The following FNBP1 variants were observed in gnomAD, a reference collection of about 807,000 sequenced individuals.
The protein encoded by FNBP1 is formin-binding protein 1.
A neutral mutation model predicts 90.6 loss-of-function variants in FNBP1; 26 were observed. The ratio of observed to expected loss-of-function variants is 0.29; its 90% CI spans 0.21 to 0.40. The LOEUF (loss-of-function observed/expected upper bound fraction) is 0.40, where lower values mean the gene tolerates loss of function less well. Among genes scored for constraint, FNBP1 ranks in the 10% least tolerant of loss-of-function variants. FNBP1 has a pLI of 1.00. For missense variants in FNBP1, 635 were observed against 768.0 expected (o/e 0.83, Z 2.05); for synonymous variants, 260 against 265.2 (o/e 0.98, Z 0.19).
At position 129,895,941 on chromosome 9, in the gene FNBP1, C is replaced by T; in HGVS notation, c.1743G>A (p.Glu581=). Residue 581 remains glutamate, a synonymous_variant, in exon 16 of 17, where the codon GAG becomes GAA. Transcript: ENST00000446176. ...GGGTCCAGCCATCGCCTTTGTCTTCCTCTATGACATACAATGTTTCTCCTT... is the reference window on the plus strand; with the variant it reads ...GGGTCCAGCCATCGCCTTTGTCTTCTTCTATGACATACAATGTTTCTCCTT... ...VVEGETLYVI[E]EDKGDGWTRI... 1 of 1,613,516 alleles carries T rather than the reference C, an allele frequency of 6.2e-7. No individual in the cohort carries two copies. The highest frequency in any genetic ancestry group is 8.5e-7 in the Non-Finnish European group (1 of 1,179,744).
upstream of FNBP1, among the ~76,000 whole-genome samples, chr9:130,047,612 C>T (rs1039118002): frequency 1.3e-5 from 2 of 149,988 alleles, no homozygotes; most frequent in South Asian, 2.1e-4. Flanking sequence ...GACTCCATCT[C>T]GAAAACAAAA....
intron 11 of FNBP1, 165 bp from the exon 12 acceptor site, chr9:129,909,164 G>A (rs1396061714): frequency 1.5e-5 from 10 of 660,804 alleles, no homozygotes; most frequent in African/African-American, 3.6e-5. Flanking sequence ...AAAAATCAAT[G>A]CATGCAAACT....
At chr9:129,948,245 C>A (rs566485438) in intron 6 of FNBP1, among the ~76,000 whole-genome samples, 10 of 152,034 alleles carry the variant, frequency 6.6e-5, no homozygotes, top group African/African-American at 2.4e-4. Flanking sequence ...TGCACTCCAG[C>A]CTGAGCAACA....
chr9:130,000,008 A>T (rs1355548792), intron 1 of FNBP1, among the ~76,000 whole-genome samples: 2 of 152,232 alleles, frequency 1.3e-5, no homozygotes, highest in Non-Finnish European at 2.9e-5. Flanking sequence ...CAGTGCAGAC[A>T]TTCTCCTTTG....
At chr9:129,901,187 C>T (rs988856152) in intron 13 of FNBP1, among the ~76,000 whole-genome samples, 1 of 151,926 alleles carries the variant, frequency 6.6e-6, no homozygotes. Flanking sequence ...GGGTGAATCA[C>T]TTCAGGTTGG....
At chr9:129,978,639 G>T (rs748410399) in intron 3 of FNBP1, 27 bp from the exon 4 acceptor site, 5 of 1,603,352 alleles carry the variant, frequency 3.1e-6, no homozygotes, top group Non-Finnish European at 4.3e-6. Context: ...ACGCCACTCT[G>T]TTTCACACAA....
At position 129,888,251 on chromosome 9, in the gene FNBP1, G is replaced by A. The variant is rs1480582843; in HGVS notation, c.*2288C>T. On this transcript the variant is annotated 3_prime_UTR_variant, in exon 17 of 17. Transcript: ENST00000446176. ...TCCTGACCCATAATATGAAAGATGTGACGCACATGCATTCCCGAGGCTCTA... is the reference window on the plus strand; with the variant it reads ...TCCTGACCCATAATATGAAAGATGTAACGCACATGCATTCCCGAGGCTCTA... 3.0e-5 allele frequency: 7 copies of A among 232,322 alleles called. No individual in the cohort carries two copies. The highest frequency in any genetic ancestry group is 5.1e-5 in the Non-Finnish European group (6 of 117,588). The allele number at this position is 232,322 out of a possible 1,614,324, so 14.4% of individuals were successfully genotyped here.
At chr9:129,938,694 G>T (rs2043871616) in intron 6 of FNBP1, among the ~76,000 whole-genome samples, 1 of 152,134 alleles carries the variant, frequency 6.6e-6, no homozygotes, top group Non-Finnish European at 1.5e-5. Flanking sequence ...ACAGTTTTAA[G>T]AAAAGGTCTT....
intron 2 of FNBP1, among the ~76,000 whole-genome samples, chr9:129,991,876 G>A (rs2053220399): frequency 6.6e-6 from 1 of 151,764 alleles, no homozygotes; most frequent in Admixed American, 6.6e-5. Flanking sequence ...AGCCAGGATG[G>A]TCTCGATCTC....
Position 130,041,176 on chromosome 9 carries a change from T to C in FNBP1, c.24+1776A>G, listed in dbSNP as rs577786245. Among the ~76,000 whole-genome samples the C allele has an allele frequency of 3.3e-5, 5 of 152,178 alleles. No individual in the cohort carries two copies. The East Asian group carries it at 9.6e-4, about 29-fold the overall frequency. On this transcript the variant is annotated intron_variant, in intron 1 of 16. Coordinates refer to ENST00000446176, the MANE Select transcript of FNBP1 (RefSeq NM_015033.3). The surrounding 1 kb of genome is among the most constrained non-coding windows in gnomAD (Gnocchi z 4.3). ...TCAATCACTCCTAACCCTGCCTTCCTTCCCACTTCTGCACCCTCAAAAAGA... is the reference window on the plus strand; with the variant it reads ...TCAATCACTCCTAACCCTGCCTTCCCTCCCACTTCTGCACCCTCAAAAAGA...
At chr9:130,038,765 C>T (rs1203797088) in intron 1 of FNBP1, among the ~76,000 whole-genome samples, 2 of 152,180 alleles carry the variant, frequency 1.3e-5, no homozygotes, top group African/African-American at 2.4e-5. Flanking sequence ...CTTTCTTGTA[C>T]ATACTTCATT....
intron 12 of FNBP1, among the ~76,000 whole-genome samples, chr9:129,908,025 C>G (rs2038480740): frequency 6.6e-6 from 1 of 151,958 alleles, no homozygotes; most frequent in Admixed American, 6.6e-5. Flanking sequence ...CTGTGCCCAG[C>G]TGGGTTTTGA....
At chr9:129,925,621 T>C (rs2041790268) in intron 8 of FNBP1, among the ~76,000 whole-genome samples, 1 of 100,642 alleles carries the variant, frequency 9.9e-6, no homozygotes, top group Non-Finnish European at 1.8e-5. Context: ...TTTGAGACAG[T>C]CTCAATCTGT....
At chr9:130,043,240 G>C (rs2059998460), upstream of FNBP1, 1 of 310,368 alleles carries the variant, frequency 3.2e-6, no homozygotes, top group Non-Finnish European at 5.9e-6. Flanking sequence ...GGGAGGGGCG[G>C]GAGGGGAGGG....
intron 5 of FNBP1, among the ~76,000 whole-genome samples, chr9:129,958,172 C>T (rs2047225026): frequency 6.6e-6 from 1 of 152,190 alleles, no homozygotes; most frequent in East Asian, 1.9e-4. Flanking sequence ...TGGCTCACGC[C>T]TGTAATCCCA....
chr9:129,954,643 T>TA (rs1256773884), intron 6 of FNBP1, among the ~76,000 whole-genome samples: 1 of 151,740 alleles, frequency 6.6e-6, no homozygotes, highest in African/African-American at 2.4e-5. Flanking sequence ...AAGTCAAGCT[T>TA]AAAAAAAAGC....
At chr9:129,921,392 G>GTT (rs571198524) in intron 10 of FNBP1, among the ~76,000 whole-genome samples, 24 of 144,122 alleles carry the variant, frequency 1.7e-4, no homozygotes, top group Admixed American at 8.3e-4. Context: ...TTTTTCATGG[G>GTT]TTTTTTTTTT....
At position 130,031,097 on chromosome 9, in the gene FNBP1, C is replaced by A. The variant is rs2058763267; in HGVS notation, c.24+11855G>T. Among the ~76,000 whole-genome samples the A allele has an allele frequency of 6.6e-6, 1 of 152,188 alleles. No individual in the cohort carries two copies. The highest frequency in any genetic ancestry group is 2.1e-4 in the South Asian group (1 of 4,830). The stretch of plus-strand genomic sequence containing the variant: ...GCTCCTAGGCCTTCTTTGTTCACTA[C>A]TAGGCCTTCCCTTGAATGTCCAAGG... On this transcript the variant is annotated intron_variant, in intron 1 of 16. Transcript: ENST00000446176. The surrounding 1 kb of genome is among the most constrained non-coding windows in gnomAD (Gnocchi z 4.2).
chr9:130,011,267 TA>T (rs58365309), intron 1 of FNBP1, among the ~76,000 whole-genome samples: 1 of 52,646 alleles, frequency 1.9e-5, no homozygotes, highest in East Asian at 7.0e-4. Flanking sequence ...TATATATATA[TA>T]AAATATATAT....
Sources: allele counts gnomAD v4.1 joint callset (sites outside exome capture counted in the v4.1 genomes callset), GRCh38; gene constraint gnomAD v4.1.1; non-coding constraint Gnocchi (gnomAD v3.1); transcripts MANE v1.5; gene names NCBI Gene and HGNC (gene_info 2026-07-23, HGNC 2026-07-21).